The following LAMA3 variants were observed in gnomAD, a reference collection of about 807,000 sequenced individuals.
The protein encoded by LAMA3 is laminin subunit alpha 3.
A neutral mutation model predicts 402.0 loss-of-function variants in LAMA3; 281 were observed. The ratio of observed to expected loss-of-function variants is 0.70; its 90% confidence interval spans 0.63 to 0.77. The LOEUF (loss-of-function observed/expected upper bound fraction) is 0.77. Ranked by LOEUF, LAMA3 falls within the 30% of genes least tolerant of loss-of-function variation. The probability of loss-of-function intolerance (pLI) is 0.00; values close to 1 mark genes in which losing one functional copy is unlikely to be tolerated. For missense variants in LAMA3, 3,840 were observed against 4,215.5 expected (o/e 0.91, Z 2.47); for synonymous variants, 1,431 against 1,558.4 (o/e 0.92, Z 1.93).
intron 11 of LAMA3, 152 bp from the exon 12 acceptor site, chr18:23,783,871 T>C: frequency 1.9e-6 from 2 of 1,034,786 alleles, no homozygotes; most frequent in Non-Finnish European, 3.0e-6. Flanking sequence ...AAAATTTCCC[T>C]TCAACGCAGT....
At chr18:23,838,124 T>A (rs73967604) in intron 25 of LAMA3, among the ~76,000 whole-genome samples, 4,430 of 152,260 alleles carry the variant, frequency 0.029, 215 homozygotes, top group African/African-American at 0.1. Flanking sequence ...GTTGTCCATC[T>A]TGGACTTGTA....
At chr18:23,709,970 GTGTT>G (rs2060959998) in intron 1 of LAMA3, 4 of 734,858 alleles carry the variant, frequency 5.4e-6, no homozygotes, top group Admixed American at 1.7e-5. Context: ...GTTTGATTTG[GTGTT>G]TGTTGGCTTT....
Position 23,815,198 on chromosome 18 carries a change from C to T in LAMA3, c.1899C>T (p.Cys633=). The stretch of plus-strand genomic sequence containing the variant: ...CTCTTATCTCCACAGAATGCAAGTG[C>T]CATAAGGCGGGAACAGTGAGTGGAA... ...ENPSGCSECK[C]HKAGTVSGTG... Residue 633 remains cysteine (C), a synonymous_variant, in exon 16 of 75, where the codon TGC becomes TGT. Transcript: ENST00000313654. 2 of 1,614,076 alleles carry T rather than the reference C, an allele frequency of 1.2e-6. No homozygotes were observed. Among genetic ancestry groups the T allele is most frequent in the Non-Finnish European group, 1.7e-6 (2 of 1,179,944 alleles).
chr18:23,816,311 C>T (rs1411705197), intron 17 of LAMA3, 77 bp from the exon 18 acceptor site: 1 of 1,090,294 alleles, frequency 9.2e-7, no homozygotes, highest in African/African-American at 1.5e-5. Context: ...GGTCAGTTTT[C>T]CTTTCTTGTA....
rs762647679 is a variant in LAMA3, at chr18:23,763,388, T to C, written c.1064-17T>C. 9 of 1,457,864 alleles carry C rather than the reference T, an allele frequency of 6.2e-6. No individual in the cohort carries two copies. Among genetic ancestry groups the C allele is most frequent in the Admixed American group, 5.0e-5 (3 of 59,842 alleles). The allele number at this position is 1,457,864 out of a possible 1,614,324, so 90.3% of individuals were successfully genotyped here. A position where few individuals can be genotyped will look rare whatever the true frequency, so the allele number is the denominator to read the frequency against. On this transcript the variant is annotated splice_polypyrimidine_tract_variant and intron_variant, in intron 7 of 74. Coordinates refer to ENST00000313654, the MANE Select transcript of LAMA3 (RefSeq NM_198129.4). ...TAGTAATAATGAGAATATTGACTTA[T>C]TATGCTTTTTTTTCAGCATGCAACT...
At chr18:23,723,269 C>G (rs1241861460) in intron 2 of LAMA3, among the ~76,000 whole-genome samples, 1 of 152,176 alleles carries the variant, frequency 6.6e-6, no homozygotes, top group South Asian at 2.1e-4. Context: ...GATAAATGCT[C>G]TAATGTCTGA....
intron 5 of LAMA3, among the ~76,000 whole-genome samples, chr18:23,751,649 C>T (rs1025345502): frequency 2.6e-5 from 4 of 152,190 alleles, no homozygotes; most frequent in Non-Finnish European, 5.9e-5. Flanking sequence ...CATAGCCTCA[C>T]TTAGATGCAA....
chr18:23,701,107 G>C (rs2060782953), intron 1 of LAMA3, among the ~76,000 whole-genome samples: 1 of 152,218 alleles, frequency 6.6e-6, no homozygotes, highest in Admixed American at 6.5e-5. Context: ...CGGAGATTAG[G>C]AGAATGAGGC....
intron 55 of LAMA3, 25 bp from the exon 56 acceptor site, chr18:23,912,686 A>G: frequency 6.2e-7 from 1 of 1,608,164 alleles, no homozygotes; most frequent in Non-Finnish European, 8.5e-7. Context: ...ACAGTGTTTG[A>G]CACCATGTAA....
intron 24 of LAMA3, 128 bp from the exon 25 acceptor site, chr18:23,836,853 G>A: frequency 1.4e-6 from 1 of 718,224 alleles, no homozygotes; most frequent in Admixed American, 2.0e-5. Flanking sequence ...CATCATGCAG[G>A]AAAATTCACT....
intron 12 of LAMA3, among the ~76,000 whole-genome samples, chr18:23,791,377 A>C (rs2062650059): frequency 6.6e-6 from 1 of 152,320 alleles, no homozygotes; most frequent in South Asian, 2.1e-4. Flanking sequence ...GGCTTTGATT[A>C]ATAGGTTGAG....
intron 12 of LAMA3, among the ~76,000 whole-genome samples, chr18:23,796,748 C>G (rs1439686033): frequency 6.6e-6 from 1 of 151,772 alleles, no homozygotes; most frequent in Admixed American, 6.6e-5. Context: ...TTATATTGCC[C>G]AGGCTGATCT....
At chr18:23,905,816 G>T (rs1046135972) in intron 52 of LAMA3, among the ~76,000 whole-genome samples, 192 bp downstream of exon 52, 7 of 152,122 alleles carry the variant, frequency 4.6e-5, no homozygotes, top group Non-Finnish European at 7.4e-5. Flanking sequence ...CCAGGCTGGA[G>T]TGCAGTGGCA....
chr18:23,937,132 A>G (rs1154239), intron 67 of LAMA3, among the ~76,000 whole-genome samples: 133,604 of 151,986 alleles, frequency 0.88, 59,691 homozygotes, highest in Non-Finnish European at 0.97. Flanking sequence ...TTGGGAGGCC[A>G]AGGCAGGCAA....
At position 23,842,665 on chromosome 18, in the gene LAMA3, T is replaced by C; in HGVS notation, c.3518T>C (p.Ile1173Thr). The change falls in exon 29 of 75, where the codon ATT (isoleucine) becomes ACT (threonine). Residue 1173 changes from isoleucine to threonine, a missense_variant. Around this residue, in one of 3 missense-constraint regions of LAMA3, gnomAD observed 2,109 missense variants for 2,376.0 expected, o/e 0.89. Transcript: ENST00000313654. ...PHVLGCRDQV[I>T]AEGQIEFDIS... ...GTGCTTGGCTGCCGGGATCAAGTGA[T>C]TGCCGAAGGCCAGATTGAGTTTGAC... The C allele has an allele frequency of 6.2e-7, 1 of 1,614,166 alleles. No homozygotes were observed. The highest frequency in any genetic ancestry group is 1.3e-5 in the African/African-American group (1 of 75,048).
Position 23,907,812 on chromosome 18 carries a change from A to G in LAMA3, c.6892A>G (p.Ile2298Val). 6.2e-7 allele frequency: 1 copy of G among 1,614,254 alleles called. No individual in the cohort carries two copies. The highest frequency in any genetic ancestry group is 8.5e-7 in the Non-Finnish European group (1 of 1,180,044). Residue 2298 changes from isoleucine (I) to valine (V), a missense_variant, in exon 54 of 75, where the codon ATC (isoleucine) becomes GTC (valine). Transcript: ENST00000313654. Reference protein sequence around the residue: ...AKSMVRKANDITDEVLDGLNP... With the variant: ...AKSMVRKANDVTDEVLDGLNP... ...GAGCATGGTCAGAAAGGCCAACGAC[A>G]TCACAGATGAGGTTCTGGATGGGCT...
In LAMA3 at chr18:23,784,123, C is replaced by A. The variant is rs1456105120; in HGVS notation, c.1569C>A (p.Cys523Ter). The A allele has an allele frequency of 1.9e-6, 3 of 1,614,000 alleles. No homozygotes were observed. The highest frequency in any genetic ancestry group is 2.5e-6 in the Non-Finnish European group (3 of 1,180,022). ...PGVEGPRCDTCRSGFYSFPIC... is the reference protein window; with the variant it reads ...PGVEGPRCDT ...TTGAGGGCCCTCGATGTGATACCTGCCGCTCTGGTTTCTACTCATTCCCTA... is the reference window on the plus strand; with the variant it reads ...TTGAGGGCCCTCGATGTGATACCTGACGCTCTGGTTTCTACTCATTCCCTA... The change falls in exon 12 of 75, where the codon TGC becomes TGA. Residue 523 changes from cysteine to a stop codon, truncating the protein, a stop_gained. Transcript: ENST00000313654. LOFTEE classifies it high-confidence loss of function.
intron 2 of LAMA3, among the ~76,000 whole-genome samples, chr18:23,721,987 T>C (rs1029308251): frequency 6.6e-6 from 1 of 152,212 alleles, no homozygotes; most frequent in Non-Finnish European, 1.5e-5. Flanking sequence ...TAGTATCCTT[T>C]AGTGGTTTTC....
At chr18:23,908,057 C>G (rs771252138) in intron 54 of LAMA3, 122 bp downstream of exon 54, 7 of 891,946 alleles carry the variant, frequency 7.8e-6, no homozygotes, top group African/African-American at 1.6e-5. Flanking sequence ...GAAAACAGCT[C>G]CACCTGATAC....
Sources: allele counts gnomAD v4.1 joint callset (sites outside exome capture counted in the v4.1 genomes callset), GRCh38; gene constraint gnomAD v4.1.1; regional missense constraint gnomAD v4.1.1; transcripts MANE v1.5; gene names NCBI Gene and HGNC (gene_info 2026-07-23, HGNC 2026-07-21).